Variants in KHDRBS2 observed in about 807,000 individuals in gnomAD.
The protein encoded by KHDRBS2 is KH RNA binding domain containing, signal transduction associated 2, also known as KH domain-containing, RNA-binding, signal transduction-associated protein 2.
A neutral mutation model predicts 44.3 loss-of-function variants in KHDRBS2; 26 were observed. The observed-to-expected ratio is 0.59, with a 90% CI of 0.43 to 0.81. The LOEUF is 0.81. Among genes scored for constraint, KHDRBS2 ranks in the 40% least tolerant of loss-of-function variants. KHDRBS2 has a pLI of 0.00. For missense variants in KHDRBS2, 476 were observed against 433.1 expected (o/e 1.10, Z -0.88); for synonymous variants, 194 against 151.1 (o/e 1.28, Z -2.08).
the KHDRBS2 span, among the ~76,000 whole-genome samples, chr6:61,573,618 T>C: frequency 6.6e-6 from 1 of 151,988 alleles, no homozygotes; most frequent in Non-Finnish European, 1.5e-5. Context: ...GGAGAAACCC[T>C]GTCTCTACTA....
At chr6:61,938,928 T>A (rs1319354386) in intron 4 of KHDRBS2, among the ~76,000 whole-genome samples, 1 of 152,018 alleles carries the variant, frequency 6.6e-6, no homozygotes, top group Non-Finnish European at 1.5e-5. Context: ...TAGAAAAAAA[T>A]TCTGAAAAGA....
At chr6:61,573,675 G>A in the KHDRBS2 span, among the ~76,000 whole-genome samples, 11 of 152,220 alleles carry the variant, frequency 7.2e-5, no homozygotes, top group Non-Finnish European at 1.3e-4. Context: ...TGCAATCCCA[G>A]CTACTTGGGA....
chr6:62,235,988 T>A (rs935259131), intron 1 of KHDRBS2, among the ~76,000 whole-genome samples: 1 of 152,150 alleles, frequency 6.6e-6, no homozygotes, highest in South Asian at 2.1e-4. Flanking sequence ...AACTTTAATG[T>A]CTTTCAATAG....
At chr6:61,630,880 T>C in the KHDRBS2 span, among the ~76,000 whole-genome samples, 1 of 152,332 alleles carries the variant, frequency 6.6e-6, no homozygotes, top group Non-Finnish European at 1.5e-5. Context: ...ATCACGATTC[T>C]GCATACGCTA....
chr6:61,888,285 A>C (rs114154273), intron 6 of KHDRBS2, among the ~76,000 whole-genome samples: 1,960 of 152,198 alleles, frequency 0.013, 45 homozygotes, highest in African/African-American at 0.044. Context: ...CTATGGTTAG[A>C]GGTGACCGAT....
chr6:61,921,065 GA>G (rs57014191), intron 4 of KHDRBS2, among the ~76,000 whole-genome samples: 1 of 151,826 alleles, frequency 6.6e-6, no homozygotes, highest in Admixed American at 6.6e-5. Flanking sequence ...AAATGCTCAA[GA>G]AAAAACTTTT....
the KHDRBS2 span, among the ~76,000 whole-genome samples, chr6:61,660,243 G>A: frequency 1.1e-4 from 17 of 151,862 alleles, no homozygotes; most frequent in Non-Finnish European, 2.2e-4. Context: ...AAAAGAGTTT[G>A]GAAAGATGTT....
intron 4 of KHDRBS2, among the ~76,000 whole-genome samples, chr6:61,961,680 G>A (rs1318867784): frequency 6.6e-6 from 1 of 152,094 alleles, no homozygotes; most frequent in Non-Finnish European, 1.5e-5. Flanking sequence ...GAGAGAGCAA[G>A]CCTGACTTGC....
chr6:61,549,101 C>T, the KHDRBS2 span, among the ~76,000 whole-genome samples: 5 of 152,040 alleles, frequency 3.3e-5, no homozygotes, highest in East Asian at 3.9e-4. Flanking sequence ...AATGCAATGA[C>T]CTTAGGATTG....
At chr6:61,962,502 A>G (rs1416205576) in intron 4 of KHDRBS2, among the ~76,000 whole-genome samples, 1 of 151,650 alleles carries the variant, frequency 6.6e-6, no homozygotes, top group Non-Finnish European at 1.5e-5. Context: ...TTGCAAAGTT[A>G]TTTTTTTTAA....
intron 2 of KHDRBS2, among the ~76,000 whole-genome samples, chr6:62,051,255 C>A (rs1252513974): frequency 6.6e-6 from 1 of 151,940 alleles, no homozygotes; most frequent in Non-Finnish European, 1.5e-5. Context: ...ATGCAAATAG[C>A]ATTTTAATTG....
chr6:61,866,531 A>G (rs1412384084), intron 6 of KHDRBS2, among the ~76,000 whole-genome samples: 1 of 152,170 alleles, frequency 6.6e-6, no homozygotes, highest in Non-Finnish European at 1.5e-5. Context: ...ATTTTTTCAC[A>G]TTGTCTTGGT....
At chr6:61,840,113 A>C (rs541766565) in intron 6 of KHDRBS2, among the ~76,000 whole-genome samples, 1 of 152,260 alleles carries the variant, frequency 6.6e-6, no homozygotes, top group South Asian at 2.1e-4. Flanking sequence ...CATTCAAAGC[A>C]GTTCTACATC....
chr6:61,889,666 C>T (rs75411091), intron 6 of KHDRBS2, among the ~76,000 whole-genome samples: 5,458 of 152,182 alleles, frequency 0.036, 137 homozygotes, highest in Non-Finnish European at 0.054. Flanking sequence ...TACCTCCACC[C>T]GCATGTTCTA....
intron 6 of KHDRBS2, among the ~76,000 whole-genome samples, chr6:61,771,540 G>C (rs1780909512): frequency 6.6e-6 from 1 of 152,138 alleles, no homozygotes. Context: ...TGCAATCCTA[G>C]TCTCTGATAA....
At chr6:61,901,976 T>C (rs2127343827) in intron 4 of KHDRBS2, among the ~76,000 whole-genome samples, 1 of 152,310 alleles carries the variant, frequency 6.6e-6, no homozygotes, top group South Asian at 2.1e-4. Flanking sequence ...ATTTACTTTT[T>C]TGAGACACAG....
chr6:62,248,223 CA>C (rs1473389320), intron 1 of KHDRBS2, among the ~76,000 whole-genome samples: 1 of 150,724 alleles, frequency 6.6e-6, no homozygotes, highest in Non-Finnish European at 1.5e-5. Flanking sequence ...AAGAAAGAGA[CA>C]GTTACTAACA....
chr6:61,737,267 T>C (rs1275067258), intron 6 of KHDRBS2, among the ~76,000 whole-genome samples: 2 of 152,114 alleles, frequency 1.3e-5, no homozygotes, highest in African/African-American at 4.8e-5. Flanking sequence ...AAATCTGTCC[T>C]GCTAACCTAA....
intron 3 of KHDRBS2, among the ~76,000 whole-genome samples, chr6:62,046,235 C>T (rs1169752670): frequency 6.6e-6 from 1 of 151,714 alleles, no homozygotes; most frequent in African/African-American, 2.4e-5. Flanking sequence ...ACCTAACATG[C>T]TCACAGGGAA....
Sources: allele counts gnomAD v4.1 joint callset (sites outside exome capture counted in the v4.1 genomes callset), GRCh38; gene constraint gnomAD v4.1.1; transcripts MANE v1.5; gene names NCBI Gene and HGNC (gene_info 2026-07-23, HGNC 2026-07-21).